BRD4: variants seen among roughly 807,000 people sequenced by gnomAD.
BRD4 encodes bromodomain-containing protein 4.
BRD4 carries 16 observed loss-of-function variants against 142.1 expected under a neutral mutation model. The observed-to-expected ratio is 0.11, with a 90% CI of 0.08 to 0.17. The LOEUF (loss-of-function observed/expected upper bound fraction) is 0.17. BRD4 is among the 10% of genes least tolerant of loss of function. The probability of loss-of-function intolerance (pLI) is 1.00; values close to 1 mark genes in which losing one functional copy is unlikely to be tolerated. For missense variants in BRD4, 1,424 were observed against 1,810.9 expected (o/e 0.79, Z 3.88); for synonymous variants, 833 against 707.5 (o/e 1.18, Z -2.82).
In BRD4 at chr19:15,242,781, G is replaced by A. The variant is rs1373951026; in HGVS notation, c.3169+119C>T. On this transcript the variant is annotated intron_variant, in intron 14 of 19. Coordinates refer to ENST00000679869, the MANE Select transcript of BRD4 (RefSeq NM_001379291.1). ...ACCCTTCCAGGTCCCCCTCCAAGCT[G>A]AGGCTCAGCTCTGAACCCACTGCAG... 2.1e-6 allele frequency: 3 copies of A among 1,458,838 alleles called. No homozygotes were observed. The East Asian group carries it at 7.5e-5, about 36-fold the overall frequency. 90.4% of individuals were successfully genotyped at this position (1,458,838 alleles called of 1,614,324 possible). A position where few individuals can be genotyped will look rare whatever the true frequency, so the allele number is the denominator to read the frequency against.
chr19:15,257,462 A>G, intron 7 of BRD4: 1 of 481,084 alleles, frequency 2.1e-6, no homozygotes, highest in Non-Finnish European at 3.7e-6. Context: ...CATGAGACCC[A>G]GGCCACTAAG....
At chr19:15,309,775 T>A (rs974596443) in intron 1 of BRD4, among the ~76,000 whole-genome samples, 2 of 151,896 alleles carry the variant, frequency 1.3e-5, no homozygotes, top group Non-Finnish European at 2.9e-5. Flanking sequence ...GCAAACCGGG[T>A]AGTGTGGCAA....
intron 1 of BRD4, 128 bp downstream of exon 1, chr19:15,332,162 G>T: frequency 6.9e-6 from 1 of 145,348 alleles, no homozygotes; most frequent in South Asian, 2.1e-4. Context: ...CCCCGCCCCC[G>T]CGCCGCGCGG....
chr19:15,294,795 C>G (rs2047810101), intron 1 of BRD4, among the ~76,000 whole-genome samples: 1 of 152,148 alleles, frequency 6.6e-6, no homozygotes, highest in Admixed American at 6.5e-5. Flanking sequence ...ATCCAAGGTG[C>G]CTGGGACACA....
At position 15,264,597 on chromosome 19, in the gene BRD4, T is replaced by C. The variant is rs2047510402; in HGVS notation, c.1019A>G (p.Gln340Arg). ...GCTGCTCTTCTCTGGTGCTGGGTGC[T>C]GCTGAGAGTCGGGCACGTCCTTCTT... is the stretch of plus-strand genomic sequence containing the variant. ...PPKKDVPDSQ[Q>R]HPAPEKSSKV... The change falls in exon 6 of 20, where the codon CAG (glutamine) becomes CGG (arginine). Residue 340 changes from glutamine (Q) to arginine (R), a missense_variant. By Grantham distance (43) the Gln-to-Arg change is conservative (BLOSUM62 1). Transcript: ENST00000679869. 3.1e-6 allele frequency: 5 copies of C among 1,614,032 alleles called. No individual in the cohort carries two copies. The highest frequency in any genetic ancestry group is 1.3e-5 in the African/African-American group (1 of 74,926).
chr19:15,286,027 G>T (rs894180757), intron 1 of BRD4, among the ~76,000 whole-genome samples: 3 of 152,156 alleles, frequency 2.0e-5, no homozygotes, highest in Non-Finnish European at 4.4e-5. Context: ...GCCATGCTAG[G>T]CTTGCCTCGT....
intron 1 of BRD4, among the ~76,000 whole-genome samples, chr19:15,321,668 A>G (rs537064963): frequency 6.6e-6 from 1 of 152,220 alleles, no homozygotes; most frequent in South Asian, 2.1e-4. Flanking sequence ...GTTTCAGCTA[A>G]TTTTGTTTAT....
intron 7 of BRD4, among the ~76,000 whole-genome samples, chr19:15,262,566 A>G (rs1212695277): frequency 2.0e-5 from 3 of 147,146 alleles, no homozygotes; most frequent in Non-Finnish European, 3.0e-5. Context: ...AAAATAAACG[A>G]GGCAAAATTA....
intron 1 of BRD4, among the ~76,000 whole-genome samples, chr19:15,292,469 A>T (rs990278404): frequency 6.6e-6 from 1 of 152,164 alleles, no homozygotes; most frequent in African/African-American, 2.4e-5. Flanking sequence ...ATGAGAAAAC[A>T]ACTGTAGATG....
At chr19:15,287,342 T>G (rs1254173589) in intron 1 of BRD4, among the ~76,000 whole-genome samples, 1 of 152,246 alleles carries the variant, frequency 6.6e-6, no homozygotes, top group African/African-American at 2.4e-5. Flanking sequence ...TTTTACTGTA[T>G]AGTTTGGTGA....
chr19:15,249,670 TCCCACCAGCCAGGTGTGGCAAG>T (rs2145541340), intron 11 of BRD4, among the ~76,000 whole-genome samples: 1 of 152,246 alleles, frequency 6.6e-6, no homozygotes, highest in East Asian at 1.9e-4. Flanking sequence ...CCCTGCCCTG[TCCCACCAGCCAGGTGTGGCAAG>T]CCCACCAGGC....
chr19:15,266,907 G>C (rs2047540523), intron 4 of BRD4, among the ~76,000 whole-genome samples: 1 of 152,220 alleles, frequency 6.6e-6, no homozygotes, highest in South Asian at 2.1e-4. Flanking sequence ...CCCTGTGTCA[G>C]TTGGGGGTGG....
At chr19:15,257,235 C>A (rs1025458854) in intron 7 of BRD4, 62 bp from the exon 8 acceptor site, 1 of 1,469,770 alleles carries the variant, frequency 6.8e-7, no homozygotes, top group Non-Finnish European at 9.2e-7. Context: ...CTAGCATCAC[C>A]TGCCCTCATT....
chr19:15,319,013 T>C (rs2048039404), intron 1 of BRD4, among the ~76,000 whole-genome samples: 1 of 152,176 alleles, frequency 6.6e-6, no homozygotes, highest in East Asian at 1.9e-4. Flanking sequence ...AGTCATAAAG[T>C]TGTAAATGTC....
Position 15,281,664 on chromosome 19 carries a change from G to A in BRD4, c.-34-8531C>T, listed in dbSNP as rs529231726. Among the ~76,000 whole-genome samples, 33 of 152,322 alleles carry A rather than the reference G, an allele frequency of 2.2e-4. No homozygotes were observed. The South Asian group carries it at 3.9e-3, about 18-fold the overall frequency. On this transcript the variant is annotated intron_variant, in intron 1 of 19. Transcript: ENST00000679869. ...ATCTGGGCGGATGGATTCATGAAAT[G>A]TAAAATGTTCCTGTGAGAAGCATGT...
At chr19:15,311,117 C>G (rs1024565246) in intron 1 of BRD4, among the ~76,000 whole-genome samples, 1 of 151,764 alleles carries the variant, frequency 6.6e-6, no homozygotes, top group East Asian at 2.0e-4. Context: ...ATGGCGAAAC[C>G]CTGTCTGTAT....
chr19:15,239,611 G>C lies in BRD4; in HGVS notation c.3445+48C>G. The stretch of plus-strand genomic sequence containing the variant: ...CCCACAGCAAGCTTATGTCCAACAC[G>C]GGCCTCGGGGGGCCTGAGCCCTGGC... On this transcript the variant is annotated intron_variant, in intron 16 of 19. Coordinates refer to ENST00000679869, the MANE Select transcript of BRD4 (RefSeq NM_001379291.1). The surrounding 1 kb of genome is among the most constrained non-coding windows in gnomAD (Gnocchi z 7.4). The C allele has an allele frequency of 6.4e-7, 1 of 1,554,936 alleles. No individual in the cohort carries two copies. Among genetic ancestry groups the C allele is most frequent in the East Asian group, 2.2e-5 (1 of 44,524 alleles).
intron 1 of BRD4, among the ~76,000 whole-genome samples, chr19:15,300,679 C>T (rs553928322): frequency 6.6e-6 from 1 of 151,552 alleles, no homozygotes; most frequent in African/African-American, 2.4e-5. Context: ...TGGGAAGATG[C>T]TCCCCGTCAC....
chr19:15,298,756 T>C (rs11665899), intron 1 of BRD4, among the ~76,000 whole-genome samples: 21,126 of 149,282 alleles, frequency 0.14, 1,699 homozygotes, highest in Middle Eastern at 0.21. Context: ...TAAGCCAAAA[T>C]TATAACAATC....
Sources: allele counts gnomAD v4.1 joint callset (sites outside exome capture counted in the v4.1 genomes callset), GRCh38; gene constraint gnomAD v4.1.1; non-coding constraint Gnocchi (gnomAD v3.1); transcripts MANE v1.5; gene names NCBI Gene and HGNC (gene_info 2026-07-23, HGNC 2026-07-21).